The following VPS13C variants were observed in gnomAD, a reference collection of about 807,000 sequenced individuals.
VPS13C encodes intermembrane lipid transfer protein VPS13C.
In VPS13C, 358 loss-of-function variants were observed where a neutral mutation model predicts 456.8. That is an observed-to-expected ratio of 0.78 (90% CI 0.72 to 0.86). VPS13C has a LOEUF of 0.86. Among genes scored for constraint, VPS13C ranks in the 40% least tolerant of loss-of-function variants. The pLI is 0.00. For synonymous variants in VPS13C, 1,578 were observed against 1,486.7 expected (o/e 1.06, Z -1.41); for missense variants, 4,818 against 4,385.4 (o/e 1.10, Z -2.79).
chr15:61,865,280 T>C, intron 81 of VPS13C: 1 of 981,310 alleles, frequency 1.0e-6, no homozygotes, highest in Non-Finnish European at 1.2e-6. Flanking sequence ...AAATCTATAA[T>C]GATGTTTATT....
At chr15:62,037,372 T>TAA in intron 3 of VPS13C, among the ~76,000 whole-genome samples, 1 of 86,654 alleles carries the variant, frequency 1.2e-5, no homozygotes, top group Non-Finnish European at 2.3e-5. Context: ...ATATAATATA[T>TAA]TATATATAAA....
chr15:61,879,608 A>T (rs1351780137), intron 73 of VPS13C: 1 of 152,088 alleles, frequency 6.6e-6, no homozygotes, highest in African/African-American at 2.4e-5. Flanking sequence ...TGTGCCTAAG[A>T]ACACGAATAG....
At chr15:61,877,417 T>G (rs1895505169) in intron 74 of VPS13C, among the ~76,000 whole-genome samples, 1 of 151,910 alleles carries the variant, frequency 6.6e-6, no homozygotes, top group Non-Finnish European at 1.5e-5. Context: ...GGAAAAGTAT[T>G]TCTCTATGTT....
intron 83 of VPS13C, among the ~76,000 whole-genome samples, 194 bp downstream of exon 83, chr15:61,856,092 A>G (rs1893887809): frequency 1.3e-5 from 2 of 152,170 alleles, no homozygotes; most frequent in Non-Finnish European, 2.9e-5. Flanking sequence ...GGGTAGACTG[A>G]TATTTCACTC....
At chr15:62,057,839 T>G (rs1596548597) in intron 1 of VPS13C, among the ~76,000 whole-genome samples, 3 of 152,244 alleles carry the variant, frequency 2.0e-5, no homozygotes, top group African/African-American at 7.2e-5. Context: ...CTCCTCAATG[T>G]CATGGTAAAA....
chr15:61,857,740 G>C (rs900627610), intron 82 of VPS13C, among the ~76,000 whole-genome samples: 2 of 152,130 alleles, frequency 1.3e-5, no homozygotes, highest in Admixed American at 1.3e-4. Flanking sequence ...AGTCCAATCA[G>C]GAGACAATGG....
intron 1 of VPS13C, among the ~76,000 whole-genome samples, chr15:62,052,168 A>G (rs1284176341): frequency 6.6e-6 from 1 of 152,230 alleles, no homozygotes; most frequent in Non-Finnish European, 1.5e-5. Context: ...CCATGAAACT[A>G]GCTTTGCATA....
At chr15:61,934,930 T>G (rs1027619747) in intron 48 of VPS13C, among the ~76,000 whole-genome samples, 13 of 152,004 alleles carry the variant, frequency 8.6e-5, no homozygotes, top group African/African-American at 2.7e-4. Flanking sequence ...TTTTTGTATT[T>G]TTAGTAGAGA....
At chr15:61,934,652 T>C (rs929129927) in intron 48 of VPS13C, among the ~76,000 whole-genome samples, 7 of 152,172 alleles carry the variant, frequency 4.6e-5, no homozygotes, top group Admixed American at 6.5e-5. Context: ...CATTATGAAA[T>C]TGGAGACTCA....
At position 61,983,916 on chromosome 15, in the gene VPS13C, G is replaced by A; in HGVS notation, c.1818C>T (p.Ser606=). The A allele has an allele frequency of 6.2e-7, 1 of 1,614,116 alleles. No homozygotes were observed. Among genetic ancestry groups the A allele is most frequent in the East Asian group, 2.2e-5 (1 of 44,870 alleles). ...TGGTTTCAAATTTAATTTTAAGCAA[G>A]GATGATGTAGTGTCACCAATTGAAG... ...LVASIGDTTS[S]LLKIKFETNP... Residue 606 remains serine (S), a synonymous_variant, in exon 20 of 85, where the codon TCC becomes TCT. Coordinates refer to ENST00000644861, the MANE Select transcript of VPS13C (RefSeq NM_020821.3).
At chr15:61,921,920 T>C (rs1261985824) in intron 55 of VPS13C, 27 bp downstream of exon 55, 3 of 1,597,674 alleles carry the variant, frequency 1.9e-6, no homozygotes, top group Non-Finnish European at 2.6e-6. Context: ...TATCATTCTA[T>C]CCAAAGATAT....
chr15:61,940,757 C>A lies in VPS13C; in HGVS notation c.5491G>T (p.Glu1831Ter). 1 of 1,613,310 alleles carries A rather than the reference C, an allele frequency of 6.2e-7. No individual in the cohort carries two copies. Among genetic ancestry groups the A allele is most frequent in the Non-Finnish European group, 8.5e-7 (1 of 1,179,622 alleles). ...LQASLPQNDI[E>*]ILKPVNMLLS... ...AGCATGTTGACTGGTTTTAAAATTT[C>A]AATGTCATTTTGTGGCAAGCTAGCC... Residue 1831 changes from glutamate to a stop codon, truncating the protein, a stop_gained, in exon 47 of 85, where the codon GAA (glutamate) becomes TAA (stop). Coordinates refer to ENST00000644861, the MANE Select transcript of VPS13C (RefSeq NM_020821.3). LOFTEE classifies it high-confidence loss of function.
At chr15:61,928,883 C>A (rs1307371517) in intron 51 of VPS13C, among the ~76,000 whole-genome samples, 2 of 143,128 alleles carry the variant, frequency 1.4e-5, no homozygotes, top group African/African-American at 5.2e-5. Flanking sequence ...CAGCCCATCT[C>A]GAAAAAAATT....
At chr15:61,900,231 C>G (rs933423657) in intron 66 of VPS13C, among the ~76,000 whole-genome samples, 5 of 152,170 alleles carry the variant, frequency 3.3e-5, no homozygotes, top group Admixed American at 2.0e-4. Flanking sequence ...CTCACCACTC[C>G]TATTCAACAT....
intron 53 of VPS13C, among the ~76,000 whole-genome samples, chr15:61,924,663 C>G (rs919038635): frequency 9.9e-5 from 15 of 152,102 alleles, no homozygotes; most frequent in African/African-American, 2.9e-4. Flanking sequence ...AATATACATT[C>G]TAAGACTATC....
intron 66 of VPS13C, among the ~76,000 whole-genome samples, chr15:61,896,685 G>A (rs376478892): frequency 0.058 from 8,756 of 152,078 alleles, 369 homozygotes; most frequent in East Asian, 0.2. Context: ...AGGGGTGCCC[G>A]CCATTGCCCA....
At chr15:62,053,852 A>G (rs180976566) in intron 1 of VPS13C, among the ~76,000 whole-genome samples, 1 of 152,352 alleles carries the variant, frequency 6.6e-6, no homozygotes, top group Admixed American at 6.5e-5. Context: ...TGGGATAAAC[A>G]GCACGGGTTC....
intron 37 of VPS13C, among the ~76,000 whole-genome samples, chr15:61,957,688 T>G (rs2045052669): frequency 6.6e-6 from 1 of 152,134 alleles, no homozygotes; most frequent in Non-Finnish European, 1.5e-5. Context: ...TCAATTAGAT[T>G]TACATATTTT....
intron 18 of VPS13C, among the ~76,000 whole-genome samples, chr15:61,989,875 G>A (rs1388307017): frequency 6.6e-6 from 1 of 152,082 alleles, no homozygotes; most frequent in African/African-American, 2.4e-5. Context: ...TATTTAATAT[G>A]CTCATATCCT....
Sources: gnomAD v4.1 joint callset for allele counts (sites outside exome capture counted in the v4.1 genomes callset) on GRCh38, gnomAD v4.1.1 for gene constraint, MANE v1.5 for transcripts, NCBI Gene and HGNC (gene_info 2026-07-23, HGNC 2026-07-21) for gene names.